GSE1: variants seen among roughly 807,000 people sequenced by gnomAD.
GSE1 encodes the protein Gse1 coiled-coil protein, also known as genetic suppressor element 1.
Under a neutral mutation model 112.6 loss-of-function variants are expected in GSE1, and 32 were observed. The ratio of observed to expected loss-of-function variants is 0.28; its 90% CI spans 0.21 to 0.38. GSE1 has a LOEUF of 0.38. GSE1 is among the 10% of genes least tolerant of loss of function. The probability of loss-of-function intolerance (pLI) is 1.00; values close to 1 mark genes in which losing one functional copy is unlikely to be tolerated. For synonymous variants in GSE1, 1,115 were observed against 735.6 expected (o/e 1.52, Z -8.35); for missense variants, 2,348 against 1,699.2 (o/e 1.38, Z -6.71).
At chr16:85,469,713 T>C (rs2050227998) in intron 2 of GSE1, among the ~76,000 whole-genome samples, 1 of 152,202 alleles carries the variant, frequency 6.6e-6, no homozygotes, top group Admixed American at 6.5e-5. Flanking sequence ...ACTTTCCCTC[T>C]CTTGTCCCCA....
At chr16:85,386,126 C>G (rs1431877591) in intron 2 of GSE1, among the ~76,000 whole-genome samples, 1 of 152,208 alleles carries the variant, frequency 6.6e-6, no homozygotes. Context: ...GAGACTACCA[C>G]CCCCTCCCAC....
intron 1 of GSE1, among the ~76,000 whole-genome samples, chr16:85,343,755 A>C (rs1281502416): frequency 6.6e-6 from 1 of 152,180 alleles, no homozygotes; most frequent in East Asian, 1.9e-4. Context: ...ACTCAAAAAA[A>C]GTTGAAATTT....
chr16:85,396,735 G>A (rs942849524), intron 2 of GSE1, among the ~76,000 whole-genome samples: 12 of 152,382 alleles, frequency 7.9e-5, no homozygotes, highest in East Asian at 5.8e-4. Flanking sequence ...ACAGGCCCCC[G>A]TGGGGACTTG....
At chr16:85,528,246 A>C (rs2151175143) in intron 2 of GSE1, among the ~76,000 whole-genome samples, 1 of 152,366 alleles carries the variant, frequency 6.6e-6, no homozygotes, top group Middle Eastern at 3.4e-3. Context: ...GGATGTTGAA[A>C]AGCGATGTGG....
intron 2 of GSE1, among the ~76,000 whole-genome samples, chr16:85,361,498 AGCCCTCTCT>A (rs2047081255): frequency 6.6e-6 from 1 of 152,166 alleles, no homozygotes; most frequent in South Asian, 2.1e-4. Context: ...GAGCCCTCTC[AGCCCTCTCT>A]GCCCTCTCTG....
rs774577633 is a variant in GSE1 at position 85,672,881 on chromosome 16, A to G, written c.*342A>G. The G allele has an allele frequency of 5.8e-6, 1 of 172,600 alleles. No homozygotes were observed. Among genetic ancestry groups the G allele is most frequent in the African/African-American group, 2.4e-5 (1 of 42,132 alleles). 10.7% of individuals were successfully genotyped at this position (172,600 alleles called of 1,614,324 possible). A position where few individuals can be genotyped will look rare whatever the true frequency, so the allele number is the denominator to read the frequency against. ...CTTGATCATTAACAGCCCCCTGTGC[A>G]TATGAGTGGATCAAACCGGTTCTGT... On this transcript the variant is annotated 3_prime_UTR_variant, in exon 16 of 16. Coordinates refer to ENST00000253458, the MANE Select transcript of GSE1 (RefSeq NM_014615.5).
intron 1 of GSE1, among the ~76,000 whole-genome samples, chr16:85,616,406 G>T (rs2048374578): frequency 6.6e-6 from 1 of 152,216 alleles, no homozygotes; most frequent in African/African-American, 2.4e-5. Flanking sequence ...CGGCTAGCAG[G>T]GCCGGTTTTT....
Position 85,241,469 on chromosome 16 carries a change from G to A in GSE1, c.2283+69662G>A, listed in dbSNP as rs554576059. On this transcript the variant is annotated intron_variant, in intron 1 of 2. Coordinates refer to the GSE1 transcript ENST00000637419. ...CTGTGGTGGGAGTGTTTACACCAGG[G>A]AAATGGGCGGGTACTGCAAGCTGGA... is the stretch of plus-strand genomic sequence containing the variant. Among the ~76,000 whole-genome samples the A allele has an allele frequency of 2.4e-3, 362 of 152,322 alleles. 1 individual carries two copies. Among genetic ancestry groups the A allele is most frequent in the African/African-American group, 8.3e-3 (347 of 41,562 alleles).
upstream of GSE1, chr16:85,555,668 TC>T: frequency 3.0e-6 from 1 of 327,936 alleles, no homozygotes; most frequent in Non-Finnish European, 3.8e-6. Context: ...AGATACCCCC[TC>T]CCGCCGCCCC....
At chr16:85,331,371 ATG>A (rs2046343342) in intron 1 of GSE1, among the ~76,000 whole-genome samples, 15 of 81,322 alleles carry the variant, frequency 1.8e-4, no homozygotes, top group South Asian at 1.4e-3. Context: ...GTGTGTATAT[ATG>A]TATATATATG....
intron 3 of GSE1, among the ~76,000 whole-genome samples, chr16:85,653,570 C>G (rs947433136): frequency 1.3e-5 from 2 of 151,756 alleles, no homozygotes; most frequent in Non-Finnish European, 2.9e-5. Flanking sequence ...CCCAGGTCCA[C>G]TGTGTCCAGG....
chr16:85,618,018 C>A (rs547137634), intron 1 of GSE1, among the ~76,000 whole-genome samples: 2 of 152,232 alleles, frequency 1.3e-5, no homozygotes, highest in Admixed American at 6.5e-5. Context: ...CTTGCCTGGC[C>A]CAGGTGTGCT....
chr16:85,213,807 G>T (rs531887748), intron 1 of GSE1, among the ~76,000 whole-genome samples: 3 of 152,244 alleles, frequency 2.0e-5, no homozygotes, highest in Non-Finnish European at 1.5e-5. Context: ...CCGCTGCCCA[G>T]CCTGTGGGAG....
chr16:85,181,746 A>G (rs1368351882), intron 1 of GSE1, among the ~76,000 whole-genome samples: 1 of 152,056 alleles, frequency 6.6e-6, no homozygotes, highest in Non-Finnish European at 1.5e-5. Flanking sequence ...TCCAGACACG[A>G]CAGGACTGGC....
At chr16:85,246,285 GTCTACACACACCCCACACGCTGTCTA>G (rs1905704035) in intron 1 of GSE1, among the ~76,000 whole-genome samples, 1 of 73,108 alleles carries the variant, frequency 1.4e-5, no homozygotes, top group East Asian at 3.8e-4. Flanking sequence ...CCCACACGCT[GTCTACACACACCCCACACGCTGTCTA>G]CACACACACA....
At chr16:85,667,919 A>G (rs1295505226) in intron 13 of GSE1, among the ~76,000 whole-genome samples, 1 of 151,658 alleles carries the variant, frequency 6.6e-6, no homozygotes, top group Admixed American at 6.6e-5. Context: ...ACCAGAATCA[A>G]CTAGCACTCA....
intron 1 of GSE1, among the ~76,000 whole-genome samples, chr16:85,230,308 G>A (rs1567625156): frequency 6.6e-6 from 1 of 152,296 alleles, no homozygotes; most frequent in South Asian, 2.1e-4. Flanking sequence ...TTTATCTTTT[G>A]TGTGTCCTCT....
intron 2 of GSE1, among the ~76,000 whole-genome samples, chr16:85,439,175 C>T (rs1296244534): frequency 6.6e-6 from 1 of 152,254 alleles, no homozygotes; most frequent in Non-Finnish European, 1.5e-5. Context: ...CCTGGCCCCT[C>T]ACCCGGCACT....
intron 1 of GSE1, among the ~76,000 whole-genome samples, chr16:85,248,578 C>T (rs1237263804): frequency 6.6e-6 from 1 of 151,898 alleles, no homozygotes. Flanking sequence ...AATGATGATA[C>T]AGTAAGTGGA....
Sources: gnomAD v4.1 joint callset for allele counts (sites outside exome capture counted in the v4.1 genomes callset) on GRCh38, gnomAD v4.1.1 for gene constraint, MANE v1.5 for transcripts, NCBI Gene and HGNC (gene_info 2026-07-23, HGNC 2026-07-21) for gene names.